SPDYE3: variants seen among roughly 807,000 people sequenced by gnomAD.
The protein encoded by SPDYE3 is speedy protein E3.
In SPDYE3, 15 loss-of-function variants were observed where a neutral mutation model predicts 55.0. That is an observed-to-expected ratio of 0.27 (90% CI 0.18 to 0.42). The LOEUF (loss-of-function observed/expected upper bound fraction) is 0.42. Among genes scored for constraint, SPDYE3 ranks in the 10% least tolerant of loss-of-function variants. The pLI, the probability that SPDYE3 is intolerant of heterozygous loss-of-function variation, is 1.00. For missense variants in SPDYE3, 236 were observed against 576.7 expected (o/e 0.41, Z 6.05); for synonymous variants, 89 against 229.9 (o/e 0.39, Z 5.55).
At chr7:100,318,970 G>T (rs1316068510) in intron 8 of SPDYE3, among the ~76,000 whole-genome samples, 1 of 150,970 alleles carries the variant, frequency 6.6e-6, no homozygotes, top group Non-Finnish European at 1.5e-5. Flanking sequence ...GGAATGGAGG[G>T]GCCCAATCTT....
rs370550230 is a variant in SPDYE3, at chr7:100,315,840, C to A, written c.1257C>A (p.Asp419Glu). 4.4e-6 allele frequency: 7 copies of A among 1,600,338 alleles called. No individual in the cohort carries two copies. Among genetic ancestry groups the A allele is most frequent in the Middle Eastern group, 2.2e-4 (1 of 4,530 alleles). The change falls in exon 7 of 11, where the codon GAC becomes GAA. Residue 419 changes from aspartate to glutamate, a missense_variant. Physicochemically the swap from Asp to Glu is conservative, Grantham distance 45. Coordinates refer to ENST00000332397, the MANE Select transcript of SPDYE3 (RefSeq NM_001004351.5). ...LAWDKDLRVS[D>E]KYLLAMVIAY... is the part of the protein sequence containing the mutation. ...GGGACAAAGATCTGAGGGTGTCAGA[C>A]AAGGTAAGGTTGTTCTCTATGTAAC... is the stretch of plus-strand genomic sequence containing the variant.
rs186957723 is a variant in SPDYE3, at chr7:100,317,430, C to T, written c.1346+275C>T. On this transcript the variant is annotated intron_variant, in intron 8 of 10. Transcript: ENST00000332397. Reference sequence around the variant, plus strand: ...AGACCAGCCTGGCCAACATGGCAAACCCCGTCTCTACTAAAAATAGAAAAA... The same window carrying T: ...AGACCAGCCTGGCCAACATGGCAAATCCCGTCTCTACTAAAAATAGAAAAA... 6.2e-4 allele frequency among the ~76,000 whole-genome samples: 94 copies of T among 152,094 alleles called. No individual in the cohort carries two copies. In the East Asian group the frequency reaches 7.9e-3, roughly 13 times the overall value.
At chr7:100,315,693 T>C (rs377176836) in intron 6 of SPDYE3, 92 bp from the exon 7 acceptor site, 55 of 1,587,604 alleles carry the variant, frequency 3.5e-5, no homozygotes, top group Non-Finnish European at 4.1e-5. Flanking sequence ...CCTGAGACTT[T>C]CCCCCGGGAG....
chr7:100,310,051 G>A (rs1458410586), intron 2 of SPDYE3, among the ~76,000 whole-genome samples: 2 of 139,040 alleles, frequency 1.4e-5, no homozygotes, highest in African/African-American at 2.6e-5. Flanking sequence ...AGCTGAGATT[G>A]CACCACTACA....
Position 100,315,084 on chromosome 7 carries a change from C to T in SPDYE3, c.1201+334C>T, listed in dbSNP as rs1252166940. 2.6e-5 allele frequency among the ~76,000 whole-genome samples: 4 copies of T among 151,074 alleles called. No homozygotes were observed. In the East Asian group the frequency reaches 7.8e-4, roughly 29 times the overall value. On this transcript the variant is annotated intron_variant, in intron 6 of 10. Coordinates refer to ENST00000332397, the MANE Select transcript of SPDYE3 (RefSeq NM_001004351.5). ...AGTGAGCTATGACTGCACCACTGCA[C>T]TCCAGCCTGGGTGACAGAGCAAAAC...
At chr7:100,315,957 GTTT>G in intron 7 of SPDYE3, 114 bp downstream of exon 7, 3 of 1,519,154 alleles carry the variant, frequency 2.0e-6, no homozygotes, top group Non-Finnish European at 2.7e-6. Context: ...TGCTCCTACA[GTTT>G]TTTTTGTTTT....
At chr7:100,308,754 G>C (rs899463357) in intron 1 of SPDYE3, among the ~76,000 whole-genome samples, 5 of 151,010 alleles carry the variant, frequency 3.3e-5, no homozygotes, top group African/African-American at 1.2e-4. Flanking sequence ...AGGGACCAGG[G>C]AACGATATGA....
Position 100,319,852 on chromosome 7 carries a change from G to A in SPDYE3, c.1590+44G>A, listed in dbSNP as rs376903923. The A allele has an allele frequency of 2.3e-4, 369 of 1,613,940 alleles. 1 individual carries two copies. In the African/African-American group the frequency reaches 4.5e-3, roughly 20 times the overall value. ...GGTGGAGGATGTGGGGAGGAATCGG[G>A]TGGGCTGGAGGCTGGACGAGGGGAG... On this transcript the variant is annotated intron_variant, in intron 9 of 10. Coordinates refer to ENST00000332397, the MANE Select transcript of SPDYE3 (RefSeq NM_001004351.5).
Position 100,308,076 on chromosome 7 carries a change from C to A in SPDYE3, c.106+85C>A. On this transcript the variant is annotated intron_variant, in intron 1 of 10. Transcript: ENST00000332397. ...CAGGTGCGGTAGCTCACCCCTGTAA[C>A]ACCAACACTTTGGGAGGCCGAGGCG... The A allele has an allele frequency of 2.8e-6, 4 of 1,440,840 alleles. No individual in the cohort carries two copies. The East Asian group carries it at 8.4e-5, about 30-fold the overall frequency. The allele number at this position is 1,440,840 out of a possible 1,614,324, so 89.3% of individuals were successfully genotyped here. A position where few individuals can be genotyped will look rare whatever the true frequency, so the allele number is the denominator to read the frequency against.
At position 100,318,887 on chromosome 7, in the gene SPDYE3, GTTA is replaced by G. The variant is rs1346082584; in HGVS notation, c.1347-675_1347-673del. On this transcript the variant is annotated intron_variant, in intron 8 of 10. Transcript: ENST00000332397. ...AGGGCTGTGCCACCACACCTGGACA[GTTA>G]TTTATTTATTTATTTATTTATTTAT... Among the ~76,000 whole-genome samples, 154 of 140,650 alleles carry G rather than the reference GTTA, an allele frequency of 1.1e-3. 2 individuals carry two copies. The highest frequency in any genetic ancestry group is 3.7e-3 in the South Asian group (16 of 4,332). The allele number at this position is 140,650 out of a possible 152,430, so 92.3% of individuals were successfully genotyped here. A position where few individuals can be genotyped will look rare whatever the true frequency, so the allele number is the denominator to read the frequency against.
rs1806014080 is a variant in SPDYE3 at position 100,313,325 on chromosome 7, CCT to C, written c.950_951del (p.Pro317ArgfsTer21). 4 of 1,353,848 alleles carry C rather than the reference CCT, an allele frequency of 3.0e-6. No individual in the cohort carries two copies. The highest frequency in any genetic ancestry group is 2.5e-5 in the East Asian group (1 of 39,272). The allele number at this position is 1,353,848 out of a possible 1,614,324, so 83.9% of individuals were successfully genotyped here. ...GCGACGGCGAGTGTCGCTCGTGCTC[CCT>C]GAGTACTACGAGGCCTTCAACAGGC... ...AKRRRVSLVL[P>X]EYYEAFNRLL... On this transcript the variant is annotated frameshift_variant, in exon 5 of 11. Coordinates refer to ENST00000332397, the MANE Select transcript of SPDYE3 (RefSeq NM_001004351.5). LOFTEE classifies it high-confidence loss of function.
At chr7:100,318,724 GC>G (rs1350610836) in intron 8 of SPDYE3, among the ~76,000 whole-genome samples, 3 of 38,994 alleles carry the variant, frequency 7.7e-5, no homozygotes, top group Admixed American at 4.5e-4. Context: ...GTATTCAATT[GC>G]TTTTTTTTTT....
At position 100,319,587 on chromosome 7, in the gene SPDYE3, G is replaced by A. The variant is rs765168929; in HGVS notation, c.1369G>A (p.Glu457Lys). 1.9e-6 allele frequency: 3 copies of A among 1,614,206 alleles called. No individual in the cohort carries two copies. Among genetic ancestry groups the A allele is most frequent in the South Asian group, 1.1e-5 (1 of 91,082 alleles). Residue 457 changes from glutamate (E) to lysine (K), a missense_variant, in exon 9 of 11, where the codon GAG becomes AAG. Physicochemically the swap from Glu to Lys is moderately conservative, Grantham distance 56 (BLOSUM62 1). Coordinates refer to ENST00000332397, the MANE Select transcript of SPDYE3 (RefSeq NM_001004351.5). ...LALYLANDME[E>K]DDEAPKQKIF... ...CAGCTATCTGGCCAATGACATGGAGGAGGACGACGAGGCCCCCAAACAAAA... is the reference window on the plus strand; with the variant it reads ...CAGCTATCTGGCCAATGACATGGAGAAGGACGACGAGGCCCCCAAACAAAA...
intron 6 of SPDYE3, 70 bp from the exon 7 acceptor site, chr7:100,315,715 C>T (rs1584999425): frequency 3.8e-6 from 6 of 1,596,006 alleles, no homozygotes; most frequent in South Asian, 3.3e-5. Flanking sequence ...CACACTTCTC[C>T]TCACTGCCCT....
rs1265334243 is a variant in SPDYE3, at chr7:100,314,235, C to G, written c.983-297C>G. On this transcript the variant is annotated intron_variant, in intron 5 of 10. Coordinates refer to ENST00000332397, the MANE Select transcript of SPDYE3 (RefSeq NM_001004351.5). Reference sequence around the variant, plus strand: ...AGTCAGCTGAGATTGCACCACTACACTCCAGCCTGGGTGACAAAGCAAGAT... The same window carrying G: ...AGTCAGCTGAGATTGCACCACTACAGTCCAGCCTGGGTGACAAAGCAAGAT... Among the ~76,000 whole-genome samples, 15 of 125,118 alleles carry G rather than the reference C, an allele frequency of 1.2e-4. 3 individuals are homozygous for G. Among genetic ancestry groups the G allele is most frequent in the Non-Finnish European group, 7.0e-5 (4 of 57,124 alleles). The allele number at this position is 125,118 out of a possible 152,430, so 82.1% of individuals were successfully genotyped here.
At position 100,319,933 on chromosome 7, in the gene SPDYE3, C is replaced by T. The variant is rs1225227598; in HGVS notation, c.1593C>T (p.Ile531=). 6.2e-7 allele frequency: 1 copy of T among 1,612,516 alleles called. No individual in the cohort carries two copies. Among genetic ancestry groups the T allele is most frequent in the South Asian group, 1.1e-5 (1 of 91,028 alleles). Residue 531 remains isoleucine (I), a splice_region_variant and synonymous_variant, in exon 10 of 11, where the codon ATC becomes ATT. Coordinates refer to ENST00000332397, the MANE Select transcript of SPDYE3 (RefSeq NM_001004351.5). The part of the protein sequence containing the change: ...AWVSPEELEE[I]QAYDPEHWVW... ...TCAAAGCGCATTTGTTTTTCCAGAT[C>T]CAGGCTTATGACCCAGAGCACTGGG...
Position 100,307,778 on chromosome 7 carries a change from C to A in SPDYE3, c.-108C>A, listed in dbSNP as rs1240182062. 5 of 1,431,818 alleles carry A rather than the reference C, an allele frequency of 3.5e-6. No homozygotes were observed. The highest frequency in any genetic ancestry group is 5.0e-5 in the Admixed American group (2 of 40,200). 88.7% of individuals were successfully genotyped at this position (1,431,818 alleles called of 1,614,324 possible). A position where few individuals can be genotyped will look rare whatever the true frequency, so the allele number is the denominator to read the frequency against. ...TTCTCCACTCCTGACTTCTCCCAGC[C>A]TCGAGAATTGATAACACACTCTTCT... On this transcript the variant is annotated 5_prime_UTR_variant, in exon 1 of 11. Coordinates refer to ENST00000332397, the MANE Select transcript of SPDYE3 (RefSeq NM_001004351.5).
intron 6 of SPDYE3, 22 bp from the exon 7 acceptor site, chr7:100,315,763 G>A (rs745469209): frequency 6.3e-7 from 1 of 1,598,288 alleles, no homozygotes; most frequent in Non-Finnish European, 8.5e-7. Context: ...TTCTCACGCT[G>A]ACATCTGCTC....
chr7:100,320,239 G>A, intron 10 of SPDYE3: 1 of 1,241,372 alleles, frequency 8.1e-7, no homozygotes, highest in South Asian at 1.5e-5. Context: ...GATCGCTGGA[G>A]CCTGGGAGGT....
Sources: allele counts gnomAD v4.1 joint callset (sites outside exome capture counted in the v4.1 genomes callset), GRCh38; gene constraint gnomAD v4.1.1; transcripts MANE v1.5; gene names NCBI Gene and HGNC (gene_info 2026-07-23, HGNC 2026-07-21).